The following KCNC2 variants were observed in gnomAD, a reference collection of about 807,000 sequenced individuals.
KCNC2 encodes the protein voltage-gated potassium channel KCNC2.
KCNC2 carries 21 observed loss-of-function variants against 44.5 expected under a neutral mutation model. That is an observed-to-expected ratio of 0.47 (90% CI 0.33 to 0.68). The LOEUF (loss-of-function observed/expected upper bound fraction) is 0.68. KCNC2 is among the 30% of genes least tolerant of loss of function. The pLI, the probability that KCNC2 is intolerant of heterozygous loss-of-function variation, is 0.01. For synonymous variants in KCNC2, 391 were observed against 339.1 expected (o/e 1.15, Z -1.68); for missense variants, 589 against 826.2 (o/e 0.71, Z 3.52).
At chr12:75,082,280 T>C (rs992392210) in intron 2 of KCNC2, among the ~76,000 whole-genome samples, 1 of 151,802 alleles carries the variant, frequency 6.6e-6, no homozygotes, top group Admixed American at 6.6e-5. Context: ...ATTCATGAAG[T>C]AATAATAATA....
intron 2 of KCNC2, among the ~76,000 whole-genome samples, chr12:75,182,794 G>A (rs1483906985): frequency 1.3e-5 from 2 of 152,196 alleles, no homozygotes; most frequent in Admixed American, 6.5e-5. Flanking sequence ...CACTAAGTGG[G>A]ATAAATAAAG....
At chr12:75,104,872 T>G (rs1186120976) in intron 2 of KCNC2, among the ~76,000 whole-genome samples, 1 of 152,144 alleles carries the variant, frequency 6.6e-6, no homozygotes, top group Non-Finnish European at 1.5e-5. Context: ...GGGGCAGCAC[T>G]TCCTTTTAAG....
At chr12:75,197,340 T>C (rs547063658) in intron 2 of KCNC2, among the ~76,000 whole-genome samples, 1 of 152,088 alleles carries the variant, frequency 6.6e-6, no homozygotes, top group African/African-American at 2.4e-5. Flanking sequence ...TATTATTCAA[T>C]GTTACATGAC....
chr12:75,201,859 A>T (rs922552547), intron 2 of KCNC2, among the ~76,000 whole-genome samples: 2 of 151,908 alleles, frequency 1.3e-5, no homozygotes, highest in Admixed American at 1.3e-4. Flanking sequence ...GTTATTTTTT[A>T]GACTATTTTT....
intron 2 of KCNC2, among the ~76,000 whole-genome samples, chr12:75,098,366 G>A (rs78776675): frequency 0.01 from 1,579 of 152,194 alleles, 20 homozygotes; most frequent in African/African-American, 0.036. Context: ...TTTAGGTTTT[G>A]TTTCCATAGA....
At position 75,119,991 on chromosome 12, in the gene KCNC2, TATC is replaced by T. The variant is rs1210773427; in HGVS notation, c.688-68677_688-68675del. Among the ~76,000 whole-genome samples the T allele has an allele frequency of 1.2e-4, 19 of 152,322 alleles. 1 individual carries two copies. In the South Asian group the frequency reaches 3.9e-3, roughly 32 times the overall value. On this transcript the variant is annotated intron_variant, in intron 2 of 4. Transcript: ENST00000549446. ...TCCGGCAAAATGTGAATCAAAGAGTTATCATGCTCTGCATAAAGCTTTCGAAGA... is the reference window on the plus strand; with the variant it reads ...TCCGGCAAAATGTGAATCAAAGAGTTATGCTCTGCATAAAGCTTTCGAAGA...
At chr12:75,111,804 C>A (rs1212416357) in intron 2 of KCNC2, among the ~76,000 whole-genome samples, 1 of 152,020 alleles carries the variant, frequency 6.6e-6, no homozygotes, top group African/African-American at 2.4e-5. Context: ...TATTATCTTC[C>A]TTTATGAACA....
At chr12:75,125,656 G>A (rs78652777) in intron 2 of KCNC2, among the ~76,000 whole-genome samples, 2,219 of 152,260 alleles carry the variant, frequency 0.015, 45 homozygotes, top group African/African-American at 0.05. Context: ...CTTTTTGCGA[G>A]GTAATTAGCT....
chr12:75,091,776 AT>A (rs1297516601), intron 2 of KCNC2, among the ~76,000 whole-genome samples: 2 of 151,638 alleles, frequency 1.3e-5, no homozygotes, highest in Admixed American at 6.6e-5. Flanking sequence ...TTAAAAAAAA[AT>A]CTATGTAGAC....
At chr12:75,103,556 T>C (rs1419268233) in intron 2 of KCNC2, among the ~76,000 whole-genome samples, 2 of 152,162 alleles carry the variant, frequency 1.3e-5, no homozygotes, top group Non-Finnish European at 2.9e-5. Context: ...ATGAGGTGAA[T>C]AAAGTTTCAC....
At chr12:75,091,554 C>T (rs565296448) in intron 2 of KCNC2, among the ~76,000 whole-genome samples, 8 of 151,818 alleles carry the variant, frequency 5.3e-5, no homozygotes, top group Admixed American at 3.3e-4. Context: ...TTTATCCTCA[C>T]GAAACCTAGC....
At chr12:75,090,416 T>A (rs9634305) in intron 2 of KCNC2, among the ~76,000 whole-genome samples, 1 of 151,280 alleles carries the variant, frequency 6.6e-6, no homozygotes, top group Non-Finnish European at 1.5e-5. Flanking sequence ...TCTTATTGAC[T>A]TCTTTTTCTC....
chr12:75,076,762 C>T (rs942823283), intron 2 of KCNC2, among the ~76,000 whole-genome samples: 1 of 152,128 alleles, frequency 6.6e-6, no homozygotes, highest in African/African-American at 2.4e-5. Context: ...AAGTTGTTGC[C>T]TTGCTAAATG....
Position 75,050,677 on chromosome 12 carries a change from A to G in KCNC2, c.1328T>C (p.Met443Thr). 1 of 1,613,576 alleles carries G rather than the reference A, an allele frequency of 6.2e-7. No individual in the cohort carries two copies. The highest frequency in any genetic ancestry group is 8.5e-7 in the Non-Finnish European group (1 of 1,179,842). Residue 443 changes from methionine (M) to threonine (T), a missense_variant, in exon 3 of 5, where the codon ATG (methionine) becomes ACG (threonine). Physicochemically the swap from Met to Thr is moderately conservative, Grantham distance 81 (BLOSUM62 -1). Transcript: ENST00000549446. ...VTMTTLGYGD[M>T]YPQTWSGMLV... ...CATGCCTGACCATGTTTGGGGGTAC[A>G]TATCCCCATAACCCAGGGTAGTCAT...
intron 2 of KCNC2, among the ~76,000 whole-genome samples, chr12:75,156,652 G>A (rs1020426955): frequency 2.0e-5 from 3 of 151,660 alleles, no homozygotes; most frequent in South Asian, 2.1e-4. Context: ...TTTATTGCAA[G>A]ACAAAACAAT....
chr12:75,155,536 G>T (rs1890697515), intron 2 of KCNC2, among the ~76,000 whole-genome samples: 1 of 151,710 alleles, frequency 6.6e-6, no homozygotes, highest in Non-Finnish European at 1.5e-5. Context: ...AAATCAGTTT[G>T]TGAATCAAGA....
In KCNC2 at chr12:75,188,988, C is replaced by T. The variant is rs372932640; in HGVS notation, c.687+18309G>A. ...AAAATCCAGAAGGGTTTGTATTAGT[C>T]AAAATAACTGTTGAGAATAGTTAAG... On this transcript the variant is annotated intron_variant, in intron 2 of 4. Transcript: ENST00000549446. Among the ~76,000 whole-genome samples, 28 of 152,162 alleles carry T rather than the reference C, an allele frequency of 1.8e-4. No homozygotes were observed. The East Asian group carries it at 1.9e-3, about 10-fold the overall frequency.
At chr12:75,147,856 A>G (rs1366022383) in intron 2 of KCNC2, among the ~76,000 whole-genome samples, 1 of 152,170 alleles carries the variant, frequency 6.6e-6, no homozygotes, top group Admixed American at 6.6e-5. Context: ...GATCTGGAAG[A>G]TATTTCTGGG....
At chr12:75,167,763 TA>T (rs780016764) in intron 2 of KCNC2, among the ~76,000 whole-genome samples, 16 of 151,388 alleles carry the variant, frequency 1.1e-4, no homozygotes, top group Middle Eastern at 3.4e-3. Flanking sequence ...TTCAACCCAA[TA>T]ATTTTTTTAT....
Sources: allele counts gnomAD v4.1 joint callset (sites outside exome capture counted in the v4.1 genomes callset), GRCh38; gene constraint gnomAD v4.1.1; transcripts MANE v1.5; gene names NCBI Gene and HGNC (gene_info 2026-07-23, HGNC 2026-07-21).